PARPBP: variants seen among roughly 807,000 people sequenced by gnomAD.
PARPBP encodes the protein PCNA-interacting partner.
Under a neutral mutation model 50.0 loss-of-function variants are expected in PARPBP, and 52 were observed. That is an observed-to-expected ratio of 1.04 (90% confidence interval 0.83 to 1.31). The LOEUF is 1.31. PARPBP is among the 50% of genes most tolerant of loss of function. The pLI is 0.00. For missense variants in PARPBP, 697 were observed against 672.0 expected (o/e 1.04, Z -0.41); for synonymous variants, 244 against 232.1 (o/e 1.05, Z -0.47).
chr12:102,144,540 G>A (rs1351615649), intron 2 of PARPBP, among the ~76,000 whole-genome samples: 1 of 152,080 alleles, frequency 6.6e-6, no homozygotes, highest in Non-Finnish European at 1.5e-5. Context: ...GATTTAAAAT[G>A]TTTTTACAAT....
chr12:102,147,363 A>G (rs529709937), intron 2 of PARPBP, among the ~76,000 whole-genome samples: 2 of 152,270 alleles, frequency 1.3e-5, no homozygotes, highest in South Asian at 4.1e-4. Context: ...TGGCACATAT[A>G]CACCATGGAA....
chr12:102,124,498 G>A (rs890761004), intron 2 of PARPBP, among the ~76,000 whole-genome samples: 4 of 152,166 alleles, frequency 2.6e-5, no homozygotes, highest in Admixed American at 2.0e-4. Context: ...AGCCAAACTA[G>A]CGTTTGGATT....
intron 6 of PARPBP, among the ~76,000 whole-genome samples, chr12:102,174,264 G>T (rs572885754): frequency 6.6e-6 from 1 of 152,010 alleles, no homozygotes; most frequent in African/African-American, 2.4e-5. Context: ...ATGGGATCTG[G>T]AGTTGATGTT....
At chr12:102,188,404 C>T (rs540757786) in intron 9 of PARPBP, among the ~76,000 whole-genome samples, 2 of 152,090 alleles carry the variant, frequency 1.3e-5, no homozygotes, top group South Asian at 2.1e-4. Flanking sequence ...CTACAAGGCT[C>T]GCAGTTGAAA....
At chr12:102,174,280 C>T (rs949282947) in intron 6 of PARPBP, among the ~76,000 whole-genome samples, 4 of 152,016 alleles carry the variant, frequency 2.6e-5, no homozygotes, top group African/African-American at 9.7e-5. Context: ...ATGTTTTAAA[C>T]AAATGCCGGA....
intron 1 of PARPBP, among the ~76,000 whole-genome samples, chr12:102,121,571 T>TTTTTAAA (rs57945278): frequency 3.9e-5 from 5 of 127,288 alleles, no homozygotes; most frequent in African/African-American, 1.5e-4. Context: ...TTTTTTTTTT[T>TTTTTAAA]AAGACAGAGT....
chr12:102,195,122 A>G (rs1022295382), intron 9 of PARPBP, among the ~76,000 whole-genome samples, 190 bp from the exon 10 acceptor site: 1 of 151,762 alleles, frequency 6.6e-6, no homozygotes, highest in African/African-American at 2.4e-5. Context: ...AAGAACAAAA[A>G]TGCTAGCCAT....
intron 9 of PARPBP, among the ~76,000 whole-genome samples, chr12:102,184,590 C>T (rs1026346593): frequency 2.0e-5 from 3 of 152,118 alleles, no homozygotes; most frequent in African/African-American, 7.2e-5. Context: ...TTTGCAAAAC[C>T]ATGGTTAAAT....
At chr12:102,145,064 A>G (rs1367200413) in intron 2 of PARPBP, among the ~76,000 whole-genome samples, 1 of 152,130 alleles carries the variant, frequency 6.6e-6, no homozygotes, top group Non-Finnish European at 1.5e-5. Flanking sequence ...GCTTATTTTA[A>G]GGCAGTTTGG....
At chr12:102,195,172 TAGAG>T (rs1891168497) in intron 9 of PARPBP, 136 bp from the exon 10 acceptor site, 1 of 475,608 alleles carries the variant, frequency 2.1e-6, no homozygotes, top group Admixed American at 4.0e-5. Context: ...TATAAAAGGT[TAGAG>T]AGAGGTTCTC....
In PARPBP at chr12:102,178,764, T is replaced by C. The variant is rs1889545268; in HGVS notation, c.1178T>C (p.Leu393Pro). ...CATCATGGAACGTCTATTCTTACAC[T>C]TTTTAGGTAAGTTATGTGGAAGTTA... ...IHHHGTSILT[L>P]FRSPTQVNNS... The change falls in exon 8 of 11, where the codon CTT becomes CCT. Residue 393 changes from leucine to proline, a missense_variant. Transcript: ENST00000327680. 1 of 1,591,232 alleles carries C rather than the reference T, an allele frequency of 6.3e-7. No individual in the cohort carries two copies. Among genetic ancestry groups the C allele is most frequent in the Non-Finnish European group, 8.6e-7 (1 of 1,166,472 alleles).
chr12:102,142,174 T>G (rs937330610), intron 2 of PARPBP, among the ~76,000 whole-genome samples: 2 of 152,188 alleles, frequency 1.3e-5, no homozygotes, highest in African/African-American at 2.4e-5. Context: ...TCTTGGAGGC[T>G]TTGTTTGTTT....
intron 2 of PARPBP, among the ~76,000 whole-genome samples, chr12:102,141,055 G>A (rs936367846): frequency 2.1e-4 from 32 of 152,244 alleles, no homozygotes; most frequent in Non-Finnish European, 4.4e-4. Context: ...TTTCTGTCTT[G>A]TTGATCTATC....
intron 2 of PARPBP, among the ~76,000 whole-genome samples, chr12:102,146,336 C>T (rs1885347878): frequency 6.6e-6 from 1 of 152,102 alleles, no homozygotes; most frequent in African/African-American, 2.4e-5. Flanking sequence ...GCTACAGTAA[C>T]CAAAACAGCA....
rs747308628 is a variant in PARPBP at position 102,196,991 on chromosome 12, C to A, written c.*700C>A. 1 of 1,611,284 alleles carries A rather than the reference C, an allele frequency of 6.2e-7. No individual in the cohort carries two copies. The highest frequency in any genetic ancestry group is 1.1e-5 in the South Asian group (1 of 91,008). On this transcript the variant is annotated 3_prime_UTR_variant, in exon 11 of 11. Transcript: ENST00000327680. ...TACTCACTGTCAAAATCTCTCCTTC[C>A]TATAGGAAATTTAGCTGAGTTTTCT... is the stretch of plus-strand genomic sequence containing the variant.
rs745389902 is a variant in PARPBP at position 102,148,409 on chromosome 12, T to A, written c.333T>A (p.Tyr111Ter). 6.4e-7 allele frequency: 1 copy of A among 1,569,322 alleles called. No individual in the cohort carries two copies. The highest frequency in any genetic ancestry group is 2.2e-5 in the East Asian group (1 of 44,448). ...NSNMLDLIDV[Y>*]QKCRALTSNC... ...ATATGTTAGATCTGATTGATGTTTA[T>A]CAAAAATGTAGGGCTTTGACTTCTA... The change falls in exon 3 of 11, where the codon TAT becomes TAA. Residue 111 changes from tyrosine (Y) to a stop codon, truncating the protein, a stop_gained. Transcript: ENST00000327680. LOFTEE classifies it high-confidence loss of function.
intron 2 of PARPBP, among the ~76,000 whole-genome samples, chr12:102,143,434 C>T (rs1257092801): frequency 3.3e-5 from 5 of 152,312 alleles, no homozygotes; most frequent in East Asian, 1.9e-4. Context: ...TTGCGCTTCC[C>T]GGGTGAGATG....
chr12:102,143,439 G>C (rs1330960880), intron 2 of PARPBP, among the ~76,000 whole-genome samples: 1 of 152,228 alleles, frequency 6.6e-6, no homozygotes, highest in African/African-American at 2.4e-5. Flanking sequence ...CTTCCCGGGT[G>C]AGATGATGCC....
At chr12:102,171,147 G>C (rs1450080797) in intron 6 of PARPBP, among the ~76,000 whole-genome samples, 1 of 147,402 alleles carries the variant, frequency 6.8e-6, no homozygotes, top group Non-Finnish European at 1.5e-5. Context: ...TTCAGTTAGT[G>C]CTTTTTTTTT....
Sources: gnomAD v4.1 joint callset for allele counts (sites outside exome capture counted in the v4.1 genomes callset) on GRCh38, gnomAD v4.1.1 for gene constraint, MANE v1.5 for transcripts, NCBI Gene and HGNC (gene_info 2026-07-23, HGNC 2026-07-21) for gene names.